Variants in SIK2 observed in about 807,000 individuals in gnomAD.
The protein encoded by SIK2 is salt inducible kinase 2.
In SIK2, 29 loss-of-function variants were observed where a neutral mutation model predicts 103.2. The ratio of observed to expected loss-of-function variants is 0.28; its 90% CI spans 0.21 to 0.38. The LOEUF is 0.38. SIK2 is among the 10% of genes least tolerant of loss of function. SIK2 has a pLI of 1.00. For synonymous variants in SIK2, 412 were observed against 446.1 expected (o/e 0.92, Z 0.96); for missense variants, 879 against 1,171.0 (o/e 0.75, Z 3.64).
intron 9 of SIK2, among the ~76,000 whole-genome samples, chr11:111,717,352 T>G (rs916126131): frequency 8.8e-6 from 1 of 113,044 alleles, no homozygotes; most frequent in Non-Finnish European, 1.8e-5. Context: ...AAGCTCAACA[T>G]GACTGATCAT....
chr11:111,607,837 A>G (rs1941667735), intron 1 of SIK2, among the ~76,000 whole-genome samples: 1 of 152,216 alleles, frequency 6.6e-6, no homozygotes, highest in South Asian at 2.1e-4. Context: ...AAATGTTTAT[A>G]TTCTGTAGAA....
At chr11:111,690,503 T>C (rs2135898858) in intron 4 of SIK2, among the ~76,000 whole-genome samples, 1 of 152,228 alleles carries the variant, frequency 6.6e-6, no homozygotes, top group East Asian at 1.9e-4. Context: ...GCAGCTTTGT[T>C]ACGTAGGTAT....
At chr11:111,674,481 A>G (rs1942674097) in intron 3 of SIK2, among the ~76,000 whole-genome samples, 1 of 152,166 alleles carries the variant, frequency 6.6e-6, no homozygotes, top group Admixed American at 6.5e-5. Flanking sequence ...ATCTTACTTA[A>G]TGGGGCTAAT....
At chr11:111,677,798 G>A (rs1285595222) in intron 3 of SIK2, among the ~76,000 whole-genome samples, 1 of 151,926 alleles carries the variant, frequency 6.6e-6, no homozygotes, top group Non-Finnish European at 1.5e-5. Context: ...ATTTCCTTGT[G>A]GTTCCCACAT....
At chr11:111,603,890 G>T (rs895046125) in intron 1 of SIK2, among the ~76,000 whole-genome samples, 1 of 152,176 alleles carries the variant, frequency 6.6e-6, no homozygotes, top group Non-Finnish European at 1.5e-5. Flanking sequence ...AATGACTTAT[G>T]TAAGGCGAAG....
chr11:111,722,185 G>C lies in SIK2; in HGVS notation c.2055+245G>C, dbSNP rs1222211241. Among the ~76,000 whole-genome samples, 2 of 152,194 alleles carry C rather than the reference G, an allele frequency of 1.3e-5. No individual in the cohort carries two copies. The highest frequency in any genetic ancestry group is 1.9e-4 in the East Asian group (1 of 5,200). Reference sequence around the variant, plus strand: ...GAAAGGATATGCCACTGAGGGGTGGGAACGGGAGACCTGGCTTCTTTCTTT... The same window carrying C: ...GAAAGGATATGCCACTGAGGGGTGGCAACGGGAGACCTGGCTTCTTTCTTT... On this transcript the variant is annotated intron_variant, in intron 13 of 14. Coordinates refer to ENST00000304987, the MANE Select transcript of SIK2 (RefSeq NM_015191.3). This position sits in a 1 kb window ranked among gnomAD's most constrained non-coding sequence, Gnocchi z 4.4.
intron 8 of SIK2, among the ~76,000 whole-genome samples, chr11:111,706,694 G>T (rs904838605): frequency 6.6e-6 from 1 of 152,096 alleles, no homozygotes; most frequent in African/African-American, 2.4e-5. Context: ...GGGCGTGGTG[G>T]CTCACACCTG....
Position 111,609,300 on chromosome 11 carries a change from C to A in SIK2, c.135+6602C>A, listed in dbSNP as rs563407164. Among the ~76,000 whole-genome samples the A allele has an allele frequency of 2.4e-4, 36 of 152,062 alleles. No individual in the cohort carries two copies. In the South Asian group the frequency reaches 7.3e-3, roughly 31 times the overall value. On this transcript the variant is annotated intron_variant, in intron 1 of 14. Coordinates refer to ENST00000304987, the MANE Select transcript of SIK2 (RefSeq NM_015191.3). The stretch of plus-strand genomic sequence containing the variant: ...TTTTCCCCCAATCTGTTTTTCCTAC[C>A]CACTATTATAAAAGTCAAATCAATT...
At chr11:111,665,542 G>A (rs1343669098) in intron 3 of SIK2, among the ~76,000 whole-genome samples, 1 of 151,962 alleles carries the variant, frequency 6.6e-6, no homozygotes, top group African/African-American at 2.4e-5. Flanking sequence ...GAAATATCGG[G>A]GCTGGGCGTG....
chr11:111,660,601 C>G (rs552772654), intron 3 of SIK2, among the ~76,000 whole-genome samples: 1 of 152,280 alleles, frequency 6.6e-6, no homozygotes, highest in African/African-American at 2.4e-5. Flanking sequence ...CTTATAGATA[C>G]AGTCCTTCCT....
intron 9 of SIK2, among the ~76,000 whole-genome samples, chr11:111,715,730 T>C (rs994913525): frequency 6.6e-6 from 1 of 151,722 alleles, no homozygotes; most frequent in African/African-American, 2.4e-5. Context: ...CTACTTCAAG[T>C]ATCTCTTTTT....
chr11:111,670,670 A>T (rs1319533113), intron 3 of SIK2, among the ~76,000 whole-genome samples: 4 of 152,262 alleles, frequency 2.6e-5, no homozygotes, highest in Non-Finnish European at 5.9e-5. Context: ...AACAGGACTA[A>T]GTATACAATC....
chr11:111,602,613 T>G lies in SIK2; in HGVS notation c.50T>G (p.Val17Gly). Residue 17 changes from valine to glycine, a missense_variant, in exon 1 of 15, where the codon GTG becomes GGG. This residue lies in a region of SIK2 where 47 missense variants were observed against 43.9 expected (regional missense o/e 1.07). Transcript: ENST00000304987. This position sits in a 1 kb window ranked among gnomAD's most constrained non-coding sequence, Gnocchi z 4.5. The stretch of plus-strand genomic sequence containing the variant: ...CACTTGCAGCGCGGGCCGGTCCGGG[T>G]GGGGTTCTACGACATCGAGGGCACG... ...PRHLQRGPVRVGFYDIEGTLG... is the reference protein window; with the variant it reads ...PRHLQRGPVRGGFYDIEGTLG... The G allele has an allele frequency of 4.6e-6, 7 of 1,521,690 alleles. No homozygotes were observed. The highest frequency in any genetic ancestry group is 2.7e-5 in the East Asian group (1 of 36,708). The allele number at this position is 1,521,690 out of a possible 1,614,324, so 94.3% of individuals were successfully genotyped here. A position where few individuals can be genotyped will look rare whatever the true frequency, so the allele number is the denominator to read the frequency against.
At chr11:111,607,976 A>T (rs1242497513) in intron 1 of SIK2, among the ~76,000 whole-genome samples, 2 of 152,206 alleles carry the variant, frequency 1.3e-5, no homozygotes, top group Non-Finnish European at 2.9e-5. Context: ...TTGGATTCAC[A>T]TGATGACATT....
chr11:111,633,414 G>T (rs1210538528), intron 3 of SIK2, among the ~76,000 whole-genome samples: 1 of 152,150 alleles, frequency 6.6e-6, no homozygotes, highest in African/African-American at 2.4e-5. Flanking sequence ...ACAAATACCT[G>T]TTGAATGAAT....
intron 4 of SIK2, 60 bp from the exon 5 acceptor site, chr11:111,700,826 G>C: frequency 6.3e-7 from 1 of 1,589,116 alleles, no homozygotes. Flanking sequence ...ATTTATTACA[G>C]AGAAATGCAG....
intron 3 of SIK2, among the ~76,000 whole-genome samples, chr11:111,653,387 C>T (rs1420640145): frequency 6.6e-6 from 1 of 152,206 alleles, no homozygotes; most frequent in Non-Finnish European, 1.5e-5. Context: ...TTCTCCTAAG[C>T]TCAGAAATGC....
chr11:111,605,819 A>G (rs897571164), intron 1 of SIK2, among the ~76,000 whole-genome samples: 3 of 152,258 alleles, frequency 2.0e-5, no homozygotes, highest in Non-Finnish European at 4.4e-5. Context: ...CGAATCTATC[A>G]AACAGTTTAA....
chr11:111,727,208 C>G lies in SIK2; in HGVS notation c.*3079C>G, dbSNP rs1446873338. On this transcript the variant is annotated 3_prime_UTR_variant, in exon 15 of 15. Coordinates refer to ENST00000304987, the MANE Select transcript of SIK2 (RefSeq NM_015191.3). ...AAAAGGAGGCTGATGGTTCTCTACA[C>G]CATCCACCTTGAGAATCCCTGCGTG... 6.0e-6 allele frequency: 4 copies of G among 662,670 alleles called. No homozygotes were observed. Among genetic ancestry groups the G allele is most frequent in the Admixed American group, 2.4e-5 (1 of 40,926 alleles). The allele number at this position is 662,670 out of a possible 1,614,324, so 41.0% of individuals were successfully genotyped here. A position where few individuals can be genotyped will look rare whatever the true frequency, so the allele number is the denominator to read the frequency against.
Sources: allele counts gnomAD v4.1 joint callset (sites outside exome capture counted in the v4.1 genomes callset), GRCh38; gene constraint gnomAD v4.1.1; regional missense constraint gnomAD v4.1.1; non-coding constraint Gnocchi (gnomAD v3.1); transcripts MANE v1.5; gene names NCBI Gene and HGNC (gene_info 2026-07-23, HGNC 2026-07-21).